Variants in CSE1L observed in about 807,000 individuals in gnomAD.
The protein encoded by CSE1L is chromosome segregation 1 like, also known as exportin-2.
A neutral mutation model predicts 120.4 loss-of-function variants in CSE1L; 24 were observed. That is an observed-to-expected ratio of 0.20 (90% CI 0.14 to 0.28). The LOEUF is 0.28. Among genes scored for constraint, CSE1L ranks in the 10% least tolerant of loss-of-function variants. CSE1L has a pLI of 1.00. For missense variants in CSE1L, 830 were observed against 1,145.2 expected (o/e 0.72, Z 3.97); for synonymous variants, 402 against 398.3 (o/e 1.01, Z -0.11).
chr20:49,051,479 A>T (rs1568759843), intron 1 of CSE1L, among the ~76,000 whole-genome samples: 1 of 152,066 alleles, frequency 6.6e-6, no homozygotes, highest in East Asian at 1.9e-4. Flanking sequence ...GGAGGCGGGG[A>T]CTGCGGTGAG....
At chr20:49,048,208 C>G (rs2091737277) in intron 1 of CSE1L, among the ~76,000 whole-genome samples, 1 of 149,986 alleles carries the variant, frequency 6.7e-6, no homozygotes, top group South Asian at 2.1e-4. Context: ...CTCTCCGCTC[C>G]TACAACCCTT....
At chr20:49,048,340 A>AT (rs2091738260) in intron 1 of CSE1L, among the ~76,000 whole-genome samples, 1 of 151,948 alleles carries the variant, frequency 6.6e-6, no homozygotes, top group Non-Finnish European at 1.5e-5. Flanking sequence ...TTTGGAATTA[A>AT]TTTGTTTCTT....
chr20:49,058,656 G>C, intron 2 of CSE1L, 108 bp downstream of exon 2: 1 of 791,706 alleles, frequency 1.3e-6, no homozygotes, highest in East Asian at 2.6e-5. Context: ...TTCATACTTG[G>C]GTTCTCAAGC....
chr20:49,051,300 C>A (rs559739042), intron 1 of CSE1L, among the ~76,000 whole-genome samples: 1 of 152,216 alleles, frequency 6.6e-6, no homozygotes, highest in African/African-American at 2.4e-5. Flanking sequence ...AATCCCAGCA[C>A]TTTGGGAGGC....
Position 49,049,356 on chromosome 20 carries a change from AT to A in CSE1L, c.-12+2943del, listed in dbSNP as rs202130973. 1.0e-4 allele frequency among the ~76,000 whole-genome samples: 15 copies of A among 148,276 alleles called. No individual in the cohort carries two copies. The East Asian group carries it at 2.0e-3, about 20-fold the overall frequency. Reference sequence around the variant, plus strand: ...GCACCACCACACTCAACTAATTTTTATTTTTTTTTTGTAGAGATGGCACCAT... The same window carrying A: ...GCACCACCACACTCAACTAATTTTTATTTTTTTTTGTAGAGATGGCACCAT... On this transcript the variant is annotated intron_variant, in intron 1 of 24. Coordinates refer to ENST00000262982, the MANE Select transcript of CSE1L (RefSeq NM_001316.4).
intron 13 of CSE1L, 94 bp from the exon 14 acceptor site, chr20:49,078,467 T>G: frequency 7.4e-6 from 6 of 811,126 alleles, no homozygotes; most frequent in Non-Finnish European, 9.8e-6. Flanking sequence ...TTACTTGACA[T>G]TTTATCTTTT....
intron 22 of CSE1L, among the ~76,000 whole-genome samples, 170 bp from the exon 23 acceptor site, chr20:49,093,970 G>A (rs186202743): frequency 2.6e-4 from 40 of 152,020 alleles, no homozygotes; most frequent in Admixed American, 2.4e-3. Context: ...GGGTAGAGGT[G>A]TGATGGGGTT....
At chr20:49,052,159 C>T (rs6019615) in intron 1 of CSE1L, among the ~76,000 whole-genome samples, 16,385 of 152,152 alleles carry the variant, frequency 0.11, 1,252 homozygotes, top group African/African-American at 0.22. Context: ...CCAGTCTTGA[C>T]TGGAAACTCA....
chr20:49,058,480 C>A lies in CSE1L; in HGVS notation c.17C>A (p.Ala6Glu). 1.2e-6 allele frequency: 2 copies of A among 1,613,256 alleles called. No individual in the cohort carries two copies. The highest frequency in any genetic ancestry group is 1.7e-6 in the Non-Finnish European group (2 of 1,179,452). The change falls in exon 2 of 25, where the codon GCA (alanine) becomes GAA (glutamate). Residue 6 changes from alanine to glutamate, a missense_variant. By Grantham distance (107) the Ala-to-Glu change is moderately radical. This residue lies in a region of CSE1L where 543 missense variants were observed against 640.2 expected (regional missense o/e 0.85). Transcript: ENST00000262982. Reference protein sequence around the residue: MELSDANLQTLTEYLK... With the variant: MELSDENLQTLTEYLK... Reference sequence around the variant, plus strand: ...CCTATAGCAATGGAACTCAGCGATGCAAATCTGCAAACACTAACAGAATAT... The same window carrying A: ...CCTATAGCAATGGAACTCAGCGATGAAAATCTGCAAACACTAACAGAATAT...
At chr20:49,093,566 T>C (rs1029644185) in intron 22 of CSE1L, among the ~76,000 whole-genome samples, 35 of 32,456 alleles carry the variant, frequency 1.1e-3, no homozygotes, top group African/African-American at 1.8e-3. Context: ...TCCTCTCTCT[T>C]TTTTTTTTTT....
chr20:49,068,663 G>A, intron 6 of CSE1L, 52 bp from the exon 7 acceptor site: 2 of 1,172,968 alleles, frequency 1.7e-6, no homozygotes, highest in Non-Finnish European at 1.3e-6. Context: ...ACTAAGATCA[G>A]CATGCTGGGT....
chr20:49,078,499 C>G, intron 13 of CSE1L, 62 bp from the exon 14 acceptor site: 2 of 1,089,874 alleles, frequency 1.8e-6, no homozygotes, highest in Non-Finnish European at 1.3e-6. Flanking sequence ...GATGATGTCA[C>G]TAATTTGGAA....
chr20:49,076,685 A>G (rs1214264948), intron 12 of CSE1L, among the ~76,000 whole-genome samples: 2 of 151,554 alleles, frequency 1.3e-5, no homozygotes, highest in Non-Finnish European at 2.9e-5. Flanking sequence ...GCATGCAACT[A>G]CACCTGGCTA....
chr20:49,074,484 T>C (rs1418354566), intron 10 of CSE1L, among the ~76,000 whole-genome samples: 2 of 152,172 alleles, frequency 1.3e-5, no homozygotes, highest in Non-Finnish European at 2.9e-5. Flanking sequence ...AATTAAAAGT[T>C]AGCATTCTGA....
At chr20:49,089,200 T>A in intron 17 of CSE1L, 47 bp from the exon 18 acceptor site, 1 of 1,439,696 alleles carries the variant, frequency 6.9e-7, no homozygotes. Context: ...TTATAAAGGT[T>A]AGGTGTGGAT....
At chr20:49,071,785 AC>A (rs2091933452) in intron 8 of CSE1L, among the ~76,000 whole-genome samples, 1 of 151,550 alleles carries the variant, frequency 6.6e-6, no homozygotes, top group Non-Finnish European at 1.5e-5. Context: ...ACACGGTGAA[AC>A]CCCGTCTCTA....
At chr20:49,077,140 G>C (rs1343372034) in intron 13 of CSE1L, 76 bp downstream of exon 13, 1 of 588,628 alleles carries the variant, frequency 1.7e-6, no homozygotes, top group Non-Finnish European at 2.7e-6. Flanking sequence ...TCCTATCCTT[G>C]TTCCCTTTTG....
chr20:49,095,658 A>G (rs951842921), intron 24 of CSE1L, among the ~76,000 whole-genome samples: 1 of 152,054 alleles, frequency 6.6e-6, no homozygotes, highest in African/African-American at 2.4e-5. Flanking sequence ...AGATCATGGC[A>G]TAAACCTAAT....
intron 1 of CSE1L, among the ~76,000 whole-genome samples, chr20:49,047,557 C>T (rs6066954): frequency 0.33 from 32,240 of 98,210 alleles, 4,611 homozygotes; most frequent in East Asian, 0.5. Flanking sequence ...TTTTTCTTTT[C>T]TCTTTTCTTT....
Sources: gnomAD v4.1 joint callset for allele counts (sites outside exome capture counted in the v4.1 genomes callset) on GRCh38, gnomAD v4.1.1 for gene constraint, gnomAD v4.1.1 regional missense constraint, MANE v1.5 for transcripts, NCBI Gene and HGNC (gene_info 2026-07-23, HGNC 2026-07-21) for gene names.